Variants in ASH1L observed in about 807,000 individuals in gnomAD.
ASH1L encodes the protein ASH1 like histone lysine methyltransferase, also known as histone-lysine N-methyltransferase ASH1L.
In ASH1L, 23 loss-of-function variants were observed where a neutral mutation model predicts 269.0. The observed-to-expected ratio is 0.09, with a 90% CI of 0.06 to 0.12. The LOEUF is 0.12. ASH1L is among the 10% of genes least tolerant of loss of function. The probability of loss-of-function intolerance (pLI) is 1.00; values close to 1 mark genes in which losing one functional copy is unlikely to be tolerated. For missense variants in ASH1L, 2,912 were observed against 3,567.8 expected (o/e 0.82, Z 4.68); for synonymous variants, 1,187 against 1,253.5 (o/e 0.95, Z 1.12).
At chr1:155,556,412 G>C (rs1467684176) in intron 1 of ASH1L, among the ~76,000 whole-genome samples, 8 of 148,510 alleles carry the variant, frequency 5.4e-5, no homozygotes, top group African/African-American at 1.8e-4. Flanking sequence ...GTGTGTGTGT[G>C]TGTGTGTGTG....
At chr1:155,359,696 C>T (rs1654767444) in intron 13 of ASH1L, among the ~76,000 whole-genome samples, 1 of 152,134 alleles carries the variant, frequency 6.6e-6, no homozygotes, top group South Asian at 2.1e-4. Flanking sequence ...CCACCTCAGC[C>T]TCCCAAGTAG....
intron 1 of ASH1L, among the ~76,000 whole-genome samples, chr1:155,533,005 G>A (rs909218707): frequency 4.6e-5 from 7 of 150,600 alleles, no homozygotes; most frequent in African/African-American, 9.8e-5. Context: ...TGTTGGTGGC[G>A]AAGGTCTGGT....
chr1:155,359,376 A>C (rs1327314768), intron 13 of ASH1L, among the ~76,000 whole-genome samples: 2 of 152,106 alleles, frequency 1.3e-5, no homozygotes, highest in Non-Finnish European at 2.9e-5. Context: ...TCCTGGGTTC[A>C]AGCGATTCTC....
intron 8 of ASH1L, among the ~76,000 whole-genome samples, chr1:155,379,726 C>T (rs1466847335): frequency 3.3e-5 from 5 of 152,158 alleles, no homozygotes; most frequent in Non-Finnish European, 7.4e-5. Flanking sequence ...GGCAGTACAT[C>T]TAAATTCTCC....
chr1:155,397,337 A>T (rs1400847083), intron 6 of ASH1L, among the ~76,000 whole-genome samples: 1 of 151,692 alleles, frequency 6.6e-6, no homozygotes, highest in Admixed American at 6.6e-5. Context: ...TCTCTACTAA[A>T]AATACAAAAA....
chr1:155,419,980 A>G (rs541704472), intron 5 of ASH1L, among the ~76,000 whole-genome samples: 1 of 152,212 alleles, frequency 6.6e-6, no homozygotes, highest in Non-Finnish European at 1.5e-5. Flanking sequence ...TGTATGTTCT[A>G]TCAATGAGAA....
intron 1 of ASH1L, among the ~76,000 whole-genome samples, chr1:155,533,385 G>A (rs1669822100): frequency 6.6e-6 from 1 of 151,838 alleles, no homozygotes; most frequent in Non-Finnish European, 1.5e-5. Context: ...GGTCTGTTTC[G>A]CTCCTCTTAA....
In ASH1L at chr1:155,562,349, A is replaced by C; in HGVS notation, c.-296T>G. The C allele has an allele frequency of 6.5e-7, 1 of 1,542,140 alleles. No homozygotes were observed. Among genetic ancestry groups the C allele is most frequent in the Non-Finnish European group, 8.9e-7 (1 of 1,128,856 alleles). Reference sequence around the variant, plus strand: ...AAAGGTGGAAGGCTAAAGGGGGCAAACTGAGGGGAGGCGGGTCCCGCAACC... The same window carrying C: ...AAAGGTGGAAGGCTAAAGGGGGCAACCTGAGGGGAGGCGGGTCCCGCAACC... On this transcript the variant is annotated 5_prime_UTR_variant, in exon 1 of 28. Transcript: ENST00000392403.
intron 2 of ASH1L, among the ~76,000 whole-genome samples, chr1:155,485,241 G>A (rs1348267122): frequency 7.8e-6 from 1 of 127,712 alleles, no homozygotes; most frequent in African/African-American, 3.1e-5. Flanking sequence ...GGGCGAAAGA[G>A]CGAGATTCCG....
intron 4 of ASH1L, 100 bp from the exon 5 acceptor site, chr1:155,439,168 T>C: frequency 2.4e-6 from 3 of 1,257,350 alleles, no homozygotes; most frequent in Non-Finnish European, 3.2e-6. Flanking sequence ...CTATTTTCCA[T>C]AGCAAGATTA....
intron 5 of ASH1L, among the ~76,000 whole-genome samples, chr1:155,421,483 T>A (rs1660678628): frequency 6.6e-6 from 1 of 151,606 alleles, no homozygotes; most frequent in Non-Finnish European, 1.5e-5. Context: ...CCATCCTGGC[T>A]AACACGGTGA....
At chr1:155,462,593 T>C (rs1664390438) in intron 3 of ASH1L, among the ~76,000 whole-genome samples, 1 of 152,222 alleles carries the variant, frequency 6.6e-6, no homozygotes, top group African/African-American at 2.4e-5. Context: ...CAGCAATTCC[T>C]GAGAAACTGA....
At chr1:155,388,802 C>T (rs1657657574) in intron 7 of ASH1L, among the ~76,000 whole-genome samples, 1 of 150,934 alleles carries the variant, frequency 6.6e-6, no homozygotes, top group Non-Finnish European at 1.5e-5. Context: ...TCACTGCAGC[C>T]TCGATCTCCT....
At chr1:155,530,218 T>C (rs1669570834) in intron 1 of ASH1L, among the ~76,000 whole-genome samples, 1 of 152,164 alleles carries the variant, frequency 6.6e-6, no homozygotes, top group African/African-American at 2.4e-5. Flanking sequence ...TCCTATTTTA[T>C]TCTCATACTC....
At chr1:155,416,494 GA>G (rs1660221154) in intron 5 of ASH1L, among the ~76,000 whole-genome samples, 1 of 151,762 alleles carries the variant, frequency 6.6e-6, no homozygotes, top group Non-Finnish European at 1.5e-5. Flanking sequence ...TGAGAAATCT[GA>G]AAAAAATGCG....
In ASH1L at chr1:155,562,425, AGCGGCG is replaced by A. The variant is rs757359444; in HGVS notation, c.-378_-373del. On this transcript the variant is annotated 5_prime_UTR_variant, in exon 1 of 28. Coordinates refer to ENST00000392403, the MANE Select transcript of ASH1L (RefSeq NM_018489.3). ...AAAGCGAACCCAAAATGGCGGCGGG[AGCGGCG>A]GCGGCGGCGGCGGCAGCAGCAGAGT... 77 of 1,476,530 alleles carry A rather than the reference AGCGGCG, an allele frequency of 5.2e-5. 1 individual carries two copies. Among genetic ancestry groups the A allele is most frequent in the South Asian group, 1.9e-4 (16 of 82,926 alleles). The allele number at this position is 1,476,530 out of a possible 1,614,324, so 91.5% of individuals were successfully genotyped here. A position where few individuals can be genotyped will look rare whatever the true frequency, so the allele number is the denominator to read the frequency against.
chr1:155,397,328 C>G (rs766856718), intron 6 of ASH1L, among the ~76,000 whole-genome samples: 3 of 151,686 alleles, frequency 2.0e-5, no homozygotes, highest in Non-Finnish European at 2.9e-5. Context: ...AAAACCCTGT[C>G]TCTACTAAAA....
intron 2 of ASH1L, among the ~76,000 whole-genome samples, chr1:155,513,210 T>C (rs1362310316): frequency 1.3e-5 from 2 of 152,086 alleles, no homozygotes; most frequent in Admixed American, 1.3e-4. Flanking sequence ...CTGGTGGGAA[T>C]GTAAAATTGT....
chr1:155,414,882 T>C (rs1660080588), intron 6 of ASH1L, among the ~76,000 whole-genome samples: 1 of 152,210 alleles, frequency 6.6e-6, no homozygotes, highest in African/African-American at 2.4e-5. Context: ...TTTGATGCTT[T>C]AAAAATTCTC....
Sources: gnomAD v4.1 joint callset for allele counts (sites outside exome capture counted in the v4.1 genomes callset) on GRCh38, gnomAD v4.1.1 for gene constraint, MANE v1.5 for transcripts, NCBI Gene and HGNC (gene_info 2026-07-23, HGNC 2026-07-21) for gene names.